The following ARRB1 variants were observed in gnomAD, a reference collection of about 807,000 sequenced individuals.
ARRB1 encodes beta-arrestin-1.
Under a neutral mutation model 56.8 loss-of-function variants are expected in ARRB1, and 21 were observed. The ratio of observed to expected loss-of-function variants is 0.37; its 90% CI spans 0.26 to 0.53. The LOEUF is 0.53. ARRB1 is among the 20% of genes least tolerant of loss of function. ARRB1 has a pLI of 0.88. For missense variants in ARRB1, 424 were observed against 553.7 expected (o/e 0.77, Z 2.35); for synonymous variants, 210 against 218.6 (o/e 0.96, Z 0.35).
intron 10 of ARRB1, among the ~76,000 whole-genome samples, chr11:75,275,669 C>G (rs927522177): frequency 1.3e-5 from 2 of 152,212 alleles, no homozygotes; most frequent in South Asian, 4.1e-4. Flanking sequence ...AGTGAACAAG[C>G]CTTGGAGTCG....
intron 3 of ARRB1, among the ~76,000 whole-genome samples, chr11:75,286,407 A>G (rs1946477761): frequency 6.6e-6 from 1 of 151,560 alleles, no homozygotes; most frequent in African/African-American, 2.4e-5. Context: ...AGCAGGGAAT[A>G]CAGGTGCATG....
intron 1 of ARRB1, among the ~76,000 whole-genome samples, chr11:75,311,365 G>A (rs1367066007): frequency 6.6e-6 from 1 of 152,136 alleles, no homozygotes; most frequent in Admixed American, 6.5e-5. Flanking sequence ...AAAAAATTAA[G>A]AGGCCACAGC....
chr11:75,340,445 C>G (rs1370153765), intron 1 of ARRB1, among the ~76,000 whole-genome samples: 1 of 152,266 alleles, frequency 6.6e-6, no homozygotes. Context: ...CAAGGCCCCT[C>G]TGGGGAAACA....
intron 1 of ARRB1, 120 bp downstream of exon 1, chr11:75,351,468 C>T (rs1351403486): frequency 2.1e-5 from 29 of 1,413,932 alleles, no homozygotes; most frequent in Non-Finnish European, 2.6e-5. Flanking sequence ...TGGAGGAGAG[C>T]TGGTACTAGA....
chr11:75,348,479 C>CA (rs1353810653), intron 1 of ARRB1, among the ~76,000 whole-genome samples: 1 of 152,210 alleles, frequency 6.6e-6, no homozygotes, highest in Non-Finnish European at 1.5e-5. Flanking sequence ...GCTGAATCCC[C>CA]AGGCCCTGGG....
intron 1 of ARRB1, among the ~76,000 whole-genome samples, chr11:75,344,982 G>A (rs1312573304): frequency 2.0e-5 from 3 of 152,160 alleles, no homozygotes; most frequent in African/African-American, 7.2e-5. Flanking sequence ...CCTGCCTCCC[G>A]CTGACTCGAC....
Position 75,263,461 on chromosome 11 carries a change from G to A in ARRB1, c.*2702C>T, listed in dbSNP as rs575137056. Among the ~76,000 whole-genome samples, 22 of 152,370 alleles carry A rather than the reference G, an allele frequency of 1.4e-4. No homozygotes were observed. The East Asian group carries it at 2.3e-3, about 16-fold the overall frequency. ...CTGTGTGTCACTCCCAAAGCTGTGC[G>A]TTCTAGTGTAGGTCTGAATCCACCT... is the stretch of plus-strand genomic sequence containing the variant. On this transcript the variant is annotated 3_prime_UTR_variant, in exon 16 of 16. Transcript: ENST00000420843.
chr11:75,314,652 G>A (rs1252717334), intron 1 of ARRB1, among the ~76,000 whole-genome samples: 1 of 152,024 alleles, frequency 6.6e-6, no homozygotes, highest in African/African-American at 2.4e-5. Flanking sequence ...CCAGGCTGGA[G>A]TGCAGTGGCA....
intron 1 of ARRB1, among the ~76,000 whole-genome samples, chr11:75,335,707 C>A (rs749917534): frequency 8.5e-5 from 13 of 152,198 alleles, no homozygotes; most frequent in South Asian, 2.1e-4. Context: ...CCAAGAGGAG[C>A]CTTCCATGCC....
chr11:75,350,278 G>T (rs1005985174), intron 1 of ARRB1, among the ~76,000 whole-genome samples: 9 of 152,206 alleles, frequency 5.9e-5, no homozygotes, highest in Non-Finnish European at 1.3e-4. Context: ...TCCTTCAGGG[G>T]AGGAGTGGGC....
At chr11:75,291,852 C>T (rs1460904613) in intron 1 of ARRB1, among the ~76,000 whole-genome samples, 1 of 152,214 alleles carries the variant, frequency 6.6e-6, no homozygotes, top group East Asian at 1.9e-4. Flanking sequence ...TCCTGCCACC[C>T]AGTCCTCCCC....
intron 1 of ARRB1, among the ~76,000 whole-genome samples, chr11:75,327,559 AGTTT>A (rs1168008050): frequency 4.7e-5 from 7 of 150,064 alleles, no homozygotes; most frequent in Non-Finnish European, 7.4e-5. Context: ...TGAGCTCAGG[AGTTT>A]GTTTATTTTT....
At position 75,286,255 on chromosome 11, in the gene ARRB1, C is replaced by CTTTTTTTT. The variant is rs60988072; in HGVS notation, c.112+1052_112+1059dup. Among the ~76,000 whole-genome samples, 111 of 38,736 alleles carry CTTTTTTTT rather than the reference C, an allele frequency of 2.9e-3. 12 individuals are homozygous for CTTTTTTTT. The highest frequency in any genetic ancestry group is 0.012 in the African/African-American group (110 of 9,282). 25.4% of individuals were successfully genotyped at this position (38,736 alleles called of 152,430 possible). On this transcript the variant is annotated intron_variant, in intron 3 of 15. Coordinates refer to ENST00000420843, the MANE Select transcript of ARRB1 (RefSeq NM_004041.5). ...CTAGGCCTCACTTTGATTTGCTCATCTTTTTTTTTTTTTTTTTTTTTTTTT... is the reference window on the plus strand; with the variant it reads ...CTAGGCCTCACTTTGATTTGCTCATCTTTTTTTTTTTTTTTTTTTTTTTTTTTTTTTTT...
intron 12 of ARRB1, among the ~76,000 whole-genome samples, 171 bp from the exon 13 acceptor site, chr11:75,271,895 C>G (rs2276310): frequency 2.6e-5 from 4 of 151,764 alleles, no homozygotes; most frequent in African/African-American, 9.7e-5. Context: ...AGGGATACAC[C>G]GAAATGGCAT....
intron 1 of ARRB1, 24 bp from the exon 2 acceptor site, chr11:75,290,063 G>C (rs763252063): frequency 6.2e-7 from 1 of 1,613,950 alleles, no homozygotes; most frequent in Non-Finnish European, 8.5e-7. Context: ...GAGAGGTCAG[G>C]CCAGGGTTCG....
At chr11:75,287,200 A>T in intron 3 of ARRB1, 115 bp downstream of exon 3, 1 of 1,049,668 alleles carries the variant, frequency 9.5e-7, no homozygotes, top group East Asian at 2.7e-5. Flanking sequence ...TGAAGCAGGA[A>T]GCCATTCACC....
At chr11:75,303,277 C>T (rs544495376) in intron 1 of ARRB1, among the ~76,000 whole-genome samples, 16 of 152,310 alleles carry the variant, frequency 1.1e-4, no homozygotes, top group African/African-American at 3.8e-4. Flanking sequence ...GTTGGGATTA[C>T]AGGTGTGAGC....
intron 1 of ARRB1, among the ~76,000 whole-genome samples, chr11:75,294,807 A>G (rs189336839): frequency 6.6e-6 from 1 of 152,224 alleles, no homozygotes; most frequent in Admixed American, 6.5e-5. Flanking sequence ...CCAGTGAAAT[A>G]TGAGTAGAAG....
chr11:75,284,104 C>T (rs142622432), intron 4 of ARRB1, 131 bp downstream of exon 4: 709 of 918,236 alleles, frequency 7.7e-4, no homozygotes, highest in African/African-American at 7.0e-3. Context: ...GAGGAGGCAA[C>T]GGCATCTGTA....
Sources: gnomAD v4.1 joint callset for allele counts (sites outside exome capture counted in the v4.1 genomes callset) on GRCh38, gnomAD v4.1.1 for gene constraint, MANE v1.5 for transcripts, NCBI Gene and HGNC (gene_info 2026-07-23, HGNC 2026-07-21) for gene names.